The following STXBP5L variants were observed in gnomAD, a reference collection of about 807,000 sequenced individuals.
STXBP5L encodes the protein syntaxin-binding protein 5-like.
STXBP5L carries 65 observed loss-of-function variants against 144.5 expected under a neutral mutation model. The observed-to-expected ratio is 0.45, with a 90% CI of 0.37 to 0.55. STXBP5L has a LOEUF of 0.55. Among genes scored for constraint, STXBP5L ranks in the 20% least tolerant of loss-of-function variants. The pLI, the probability that STXBP5L is intolerant of heterozygous loss-of-function variation, is 0.00. For synonymous variants in STXBP5L, 505 were observed against 469.6 expected, an observed-to-expected ratio of 1.08 and a Z score of -0.97; for missense variants, 1,298 against 1,405.5, an observed-to-expected ratio of 0.92 and a Z score of 1.22.
At chr3:120,959,187 C>G (rs529066499) in intron 3 of STXBP5L, among the ~76,000 whole-genome samples, 2 of 152,284 alleles carry the variant, frequency 1.3e-5, no homozygotes, top group Admixed American at 1.3e-4. Context: ...AGGAATCCAA[C>G]TTACAAGGGA....
intron 19 of STXBP5L, among the ~76,000 whole-genome samples, chr3:121,306,631 C>G (rs2043346375): frequency 6.6e-6 from 1 of 152,026 alleles, no homozygotes; most frequent in Non-Finnish European, 1.5e-5. Context: ...AAAGTTCAAG[C>G]CTAAGTGTGC....
chr3:121,019,957 G>T (rs572629350), intron 3 of STXBP5L, among the ~76,000 whole-genome samples: 1 of 152,156 alleles, frequency 6.6e-6, no homozygotes, highest in Non-Finnish European at 1.5e-5. Flanking sequence ...AATTCAGAAG[G>T]TCGACTACTT....
At chr3:121,116,115 ATTC>A (rs1336198231) in intron 6 of STXBP5L, among the ~76,000 whole-genome samples, 1 of 152,252 alleles carries the variant, frequency 6.6e-6, no homozygotes, top group Non-Finnish European at 1.5e-5. Context: ...TACGTAAGCA[ATTC>A]TTCTAGTAAA....
intron 8 of STXBP5L, among the ~76,000 whole-genome samples, chr3:121,156,758 C>T (rs2046127757): frequency 6.6e-6 from 1 of 151,554 alleles, no homozygotes; most frequent in Admixed American, 6.6e-5. Flanking sequence ...TATAATAATA[C>T]AAATAAAAAG....
intron 20 of STXBP5L, among the ~76,000 whole-genome samples, chr3:121,353,415 G>A (rs1409940866): frequency 1.3e-5 from 2 of 152,110 alleles, no homozygotes; most frequent in Non-Finnish European, 2.9e-5. Flanking sequence ...TCTTTGGAGG[G>A]TGTGTGTGTC....
At chr3:121,341,010 G>A (rs2108581933) in intron 20 of STXBP5L, among the ~76,000 whole-genome samples, 1 of 151,902 alleles carries the variant, frequency 6.6e-6, no homozygotes, top group East Asian at 1.9e-4. Flanking sequence ...AAAAAAAATG[G>A]GATTACATCA....
At chr3:121,176,323 A>G (rs192332953) in intron 9 of STXBP5L, among the ~76,000 whole-genome samples, 1 of 152,096 alleles carries the variant, frequency 6.6e-6, no homozygotes, top group African/African-American at 2.4e-5. Flanking sequence ...AGCAAGGCTT[A>G]CTTAAAACAA....
At chr3:121,210,382 C>T (rs1305110959) in intron 10 of STXBP5L, among the ~76,000 whole-genome samples, 1 of 151,764 alleles carries the variant, frequency 6.6e-6, no homozygotes, top group Non-Finnish European at 1.5e-5. Flanking sequence ...CTGTAGGTTG[C>T]CTGTTCACTC....
rs1412358607 is a variant in STXBP5L at position 121,420,255 on chromosome 3, ATACT to A, written c.*1162_*1165del. The A allele has an allele frequency of 6.6e-6, 1 of 152,172 alleles. No individual in the cohort carries two copies. Among genetic ancestry groups the A allele is most frequent in the Non-Finnish European group, 1.5e-5 (1 of 68,016 alleles). The allele number at this position is 152,172 out of a possible 1,614,324, so 9.4% of individuals were successfully genotyped here. Reference sequence around the variant, plus strand: ...TCCTTAGAAAATACCTTTCGGTTTGATACTTACCACTGGAAATTGGTTCGATACT... The same window carrying A: ...TCCTTAGAAAATACCTTTCGGTTTGATACCACTGGAAATTGGTTCGATACT... On this transcript the variant is annotated 3_prime_UTR_variant, in exon 27 of 27. Transcript: ENST00000471454.
intron 10 of STXBP5L, among the ~76,000 whole-genome samples, chr3:121,218,493 G>A (rs986165227): frequency 6.6e-6 from 1 of 151,422 alleles, no homozygotes; most frequent in Non-Finnish European, 1.5e-5. Flanking sequence ...TCTAGCAGTA[G>A]AGGCAAGGAC....
intron 3 of STXBP5L, among the ~76,000 whole-genome samples, chr3:121,027,469 C>G (rs1201596813): frequency 6.6e-6 from 1 of 152,010 alleles, no homozygotes. Flanking sequence ...GTTGGAAGAG[C>G]TGCACTTCTT....
intron 3 of STXBP5L, among the ~76,000 whole-genome samples, chr3:120,981,225 C>G (rs369160258): frequency 2.5e-4 from 38 of 152,172 alleles, no homozygotes; most frequent in African/African-American, 8.9e-4. Context: ...AGTTTTCTGA[C>G]TTTCTTGTAT....
intron 3 of STXBP5L, among the ~76,000 whole-genome samples, chr3:120,977,672 G>T (rs1187828620): frequency 6.6e-6 from 1 of 152,164 alleles, no homozygotes; most frequent in Non-Finnish European, 1.5e-5. Context: ...TGATTTTGCA[G>T]TGGCTGGTAC....
chr3:120,920,322 TG>T (rs147220384), intron 2 of STXBP5L, among the ~76,000 whole-genome samples: 15,036 of 151,610 alleles, frequency 0.099, 1,173 homozygotes, highest in Admixed American at 0.2. Flanking sequence ...TTTTGAAAAA[TG>T]ATTTGGGGTA....
intron 3 of STXBP5L, among the ~76,000 whole-genome samples, chr3:120,968,994 C>T (rs1403342906): frequency 6.6e-6 from 1 of 152,008 alleles, no homozygotes; most frequent in Non-Finnish European, 1.5e-5. Flanking sequence ...AATTGTGCCA[C>T]CATAAACGTG....
chr3:121,148,578 G>A (rs1183595253), intron 7 of STXBP5L, among the ~76,000 whole-genome samples: 1 of 151,980 alleles, frequency 6.6e-6, no homozygotes, highest in African/African-American at 2.4e-5. Flanking sequence ...GACAAAGATG[G>A]CTATGATTTA....
intron 20 of STXBP5L, among the ~76,000 whole-genome samples, chr3:121,330,187 G>C (rs1263523280): frequency 6.6e-6 from 1 of 152,150 alleles, no homozygotes; most frequent in African/African-American, 2.4e-5. Context: ...TAAGCCTTCT[G>C]AGTGCAGACT....
chr3:120,964,954 C>T (rs1392181103), intron 3 of STXBP5L, among the ~76,000 whole-genome samples: 3 of 152,104 alleles, frequency 2.0e-5, no homozygotes, highest in African/African-American at 7.2e-5. Context: ...TCTGGGTGCT[C>T]CTGTTTTGGG....
At chr3:120,976,951 A>G (rs1262078899) in intron 3 of STXBP5L, among the ~76,000 whole-genome samples, 8 of 151,634 alleles carry the variant, frequency 5.3e-5, no homozygotes, top group Admixed American at 4.6e-4. Context: ...TGCTGAGGAG[A>G]GCTTTACTTC....
Sources: allele counts gnomAD v4.1 joint callset (sites outside exome capture counted in the v4.1 genomes callset), GRCh38; gene constraint gnomAD v4.1.1; transcripts MANE v1.5; gene names NCBI Gene and HGNC (gene_info 2026-07-23, HGNC 2026-07-21).